The following PTPRT variants were observed in gnomAD, a reference collection of about 807,000 sequenced individuals.
PTPRT encodes the protein receptor-type tyrosine-protein phosphatase T.
A neutral mutation model predicts 176.8 loss-of-function variants in PTPRT; 56 were observed. That is an observed-to-expected ratio of 0.32 (90% CI 0.26 to 0.40). PTPRT has a LOEUF of 0.40. PTPRT is among the 10% of genes least tolerant of loss of function. The pLI is 1.00. For synonymous variants in PTPRT, 783 were observed against 739.0 expected, an observed-to-expected ratio of 1.06 and a Z score of -0.96; for missense variants, 1,540 against 1,908.2, an observed-to-expected ratio of 0.81 and a Z score of 3.60.
At chr20:42,730,735 T>G (rs935562628) in intron 6 of PTPRT, among the ~76,000 whole-genome samples, 1 of 152,206 alleles carries the variant, frequency 6.6e-6, no homozygotes, top group Non-Finnish European at 1.5e-5. Flanking sequence ...AAGATCATGT[T>G]TGCTTTCTTG....
At chr20:42,115,486 CT>C (rs1317273585) in intron 21 of PTPRT, among the ~76,000 whole-genome samples, 171 bp from the exon 22 acceptor site, 4 of 152,204 alleles carry the variant, frequency 2.6e-5, no homozygotes, top group African/African-American at 9.6e-5. Flanking sequence ...GATCAGCAAG[CT>C]GCACAGGGCC....
intron 9 of PTPRT, among the ~76,000 whole-genome samples, chr20:42,388,196 A>G (rs572389178): frequency 6.6e-6 from 1 of 152,346 alleles, no homozygotes; most frequent in African/African-American, 2.4e-5. Context: ...TAGCAATACC[A>G]TTCAGGACAT....
intron 3 of PTPRT, among the ~76,000 whole-genome samples, chr20:42,785,335 G>T (rs560562739): frequency 6.6e-6 from 1 of 152,098 alleles, no homozygotes; most frequent in African/African-American, 2.4e-5. Flanking sequence ...TATAAAATAC[G>T]ACTTTAATAA....
At chr20:42,665,836 C>A (rs147838686) in intron 7 of PTPRT, among the ~76,000 whole-genome samples, 1 of 151,006 alleles carries the variant, frequency 6.6e-6, no homozygotes, top group Admixed American at 6.7e-5. Flanking sequence ...AGCAAACTCT[C>A]GCAAGGACAA....
the PTPRT span, among the ~76,000 whole-genome samples, chr20:42,036,016 G>A: frequency 6.6e-6 from 1 of 152,190 alleles, no homozygotes; most frequent in Non-Finnish European, 1.5e-5. Context: ...GGGGAAGTGT[G>A]ACAAGTAAGG....
At chr20:43,062,496 AGCTTCAATTCTCTACTTCACTTC>A (rs1323406403) in intron 1 of PTPRT, among the ~76,000 whole-genome samples, 1 of 152,218 alleles carries the variant, frequency 6.6e-6, no homozygotes, top group African/African-American at 2.4e-5. Context: ...TCTGAGTAAC[AGCTTCAATTCTCTACTTCACTTC>A]GCTGGGAGAT....
At chr20:42,209,166 T>C (rs1482797781) in intron 15 of PTPRT, among the ~76,000 whole-genome samples, 1 of 152,212 alleles carries the variant, frequency 6.6e-6, no homozygotes, top group East Asian at 1.9e-4. Context: ...AGTAAATTTA[T>C]AGCACTTAAT....
chr20:42,886,674 A>T, intron 1 of PTPRT, among the ~76,000 whole-genome samples: 1 of 152,238 alleles, frequency 6.6e-6, no homozygotes, highest in East Asian at 1.9e-4. Context: ...ACCATTTGAC[A>T]ATAAGTTATA....
chr20:42,387,751 T>C (rs1396850525), intron 9 of PTPRT, among the ~76,000 whole-genome samples: 2 of 151,896 alleles, frequency 1.3e-5, no homozygotes, highest in Non-Finnish European at 2.9e-5. Context: ...TATGTGTGGG[T>C]AAAGGACCTC....
chr20:42,319,532 A>C (rs1191738013), intron 11 of PTPRT, among the ~76,000 whole-genome samples: 4 of 152,204 alleles, frequency 2.6e-5, no homozygotes, highest in Non-Finnish European at 4.4e-5. Context: ...TCCATTCAAA[A>C]GCAAACCTGC....
chr20:42,084,594 A>C (rs757232058), intron 29 of PTPRT, 88 bp downstream of exon 29: 70 of 1,201,018 alleles, frequency 5.8e-5, no homozygotes, highest in Non-Finnish European at 7.2e-5. Flanking sequence ...AGGCCTGCCT[A>C]GGACTGGGGT....
intron 7 of PTPRT, among the ~76,000 whole-genome samples, chr20:42,576,049 A>T (rs1378925046): frequency 1.3e-5 from 2 of 152,048 alleles, no homozygotes; most frequent in Non-Finnish European, 2.9e-5. Flanking sequence ...ACCTGTCGAG[A>T]CTCAGGACCG....
At chr20:42,103,203 T>C (rs1354590821) in intron 25 of PTPRT, among the ~76,000 whole-genome samples, 1 of 152,218 alleles carries the variant, frequency 6.6e-6, no homozygotes, top group Admixed American at 6.5e-5. Context: ...TAGTGATTCA[T>C]GTCCAGGCTC....
intron 2 of PTPRT, among the ~76,000 whole-genome samples, chr20:42,861,813 C>T (rs952608891): frequency 6.6e-6 from 1 of 151,750 alleles, no homozygotes; most frequent in African/African-American, 2.4e-5. Flanking sequence ...GAAGAGCCTT[C>T]GGCAAGTGAA....
intron 9 of PTPRT, among the ~76,000 whole-genome samples, chr20:42,395,981 C>T (rs988239234): frequency 6.6e-6 from 1 of 152,118 alleles, no homozygotes; most frequent in Non-Finnish European, 1.5e-5. Context: ...CTGCAAAGCT[C>T]GTGCATAGGC....
intron 1 of PTPRT, among the ~76,000 whole-genome samples, chr20:42,979,415 T>G (rs1203511304): frequency 1.3e-5 from 2 of 152,208 alleles, no homozygotes; most frequent in Non-Finnish European, 2.9e-5. Flanking sequence ...TTCTCATCAT[T>G]TGTTTCTTGG....
chr20:42,542,633 C>T (rs2072604162), intron 7 of PTPRT, among the ~76,000 whole-genome samples: 1 of 152,148 alleles, frequency 6.6e-6, no homozygotes, highest in Non-Finnish European at 1.5e-5. Flanking sequence ...ATTACATCTG[C>T]AATTACCTTA....
At chr20:43,015,544 C>T (rs933399062) in intron 1 of PTPRT, among the ~76,000 whole-genome samples, 16 of 152,156 alleles carry the variant, frequency 1.1e-4, no homozygotes, top group Non-Finnish European at 8.8e-5. Context: ...CACTTGGGAA[C>T]GGGGATGGAT....
At chr20:43,131,893 A>C (rs994120734) in intron 1 of PTPRT, among the ~76,000 whole-genome samples, 1 of 152,250 alleles carries the variant, frequency 6.6e-6, no homozygotes. Flanking sequence ...AACATTTTAT[A>C]GTAAACTTAA....
Sources: gnomAD v4.1 joint callset for allele counts (sites outside exome capture counted in the v4.1 genomes callset) on GRCh38, gnomAD v4.1.1 for gene constraint, MANE v1.5 for transcripts, NCBI Gene and HGNC (gene_info 2026-07-23, HGNC 2026-07-21) for gene names.